The following PCM1 variants were observed in gnomAD, a reference collection of about 807,000 sequenced individuals.
PCM1 encodes the protein pericentriolar material 1 protein.
In PCM1, 157 loss-of-function variants were observed where a neutral mutation model predicts 241.9. The observed-to-expected ratio is 0.65, with a 90% CI of 0.57 to 0.74. The LOEUF is 0.74. Among genes scored for constraint, PCM1 ranks in the 30% least tolerant of loss-of-function variants. The pLI is 0.00. For synonymous variants in PCM1, 1,085 were observed against 784.9 expected, an observed-to-expected ratio of 1.38 and a Z score of -6.39; for missense variants, 3,478 against 2,360.1, an observed-to-expected ratio of 1.47 and a Z score of -9.81.
intron 30 of PCM1, among the ~76,000 whole-genome samples, chr8:18,007,740 C>T (rs1013439669): frequency 1.3e-5 from 2 of 152,140 alleles, no homozygotes; most frequent in African/African-American, 4.8e-5. Flanking sequence ...TTACCATCTT[C>T]TACATTTTTC....
Position 17,953,110 on chromosome 8 carries a change from G to A in PCM1, c.1212G>A (p.Gln404=), listed in dbSNP as rs773259564. The change falls in exon 9 of 39, where the codon CAG becomes CAA. Residue 404 remains glutamine, a synonymous_variant. Coordinates refer to ENST00000325083, the MANE Select transcript of PCM1 (RefSeq NM_006197.4). ...TTTTTAGCAAAATGAGAGTGCTACA[G>A]GAAAAGAAACAAAAAATGGACAAAT... ...VELFSKMRVL[Q]EKKQKMDKLL... is the part of the protein sequence containing the mutation. The A allele has an allele frequency of 5.0e-6, 8 of 1,598,500 alleles. No individual in the cohort carries two copies. In the South Asian group the frequency reaches 6.8e-5, roughly 14 times the overall value.
chr8:17,938,265 T>G (rs1202802664), intron 4 of PCM1, among the ~76,000 whole-genome samples: 2 of 152,120 alleles, frequency 1.3e-5, no homozygotes, highest in Admixed American at 6.6e-5. Flanking sequence ...CGTCAAAACT[T>G]TGTTTCGTGC....
intron 2 of PCM1, among the ~76,000 whole-genome samples, chr8:17,929,809 GTTTAA>G (rs2058388424): frequency 6.6e-6 from 1 of 152,188 alleles, no homozygotes; most frequent in Non-Finnish European, 1.5e-5. Context: ...CTGTGATAAA[GTTTAA>G]TTTATAGATT....
intron 2 of PCM1, among the ~76,000 whole-genome samples, chr8:17,933,213 C>G (rs370855292): frequency 2.0e-5 from 3 of 152,122 alleles, no homozygotes; most frequent in African/African-American, 7.2e-5. Flanking sequence ...AATGCGTTAG[C>G]TGTTACTAGT....
chr8:17,957,426 G>C lies in PCM1; in HGVS notation c.1804+5G>C, dbSNP rs760893350. The C allele has an allele frequency of 6.2e-7, 1 of 1,611,370 alleles. No homozygotes were observed. Among genetic ancestry groups the C allele is most frequent in the Non-Finnish European group, 8.5e-7 (1 of 1,178,050 alleles). ...TAAACATGCCTCCTTCTTTAGGTAT[G>C]ACTGACTGTATTTACATATAATTTT... On this transcript the variant is annotated splice_donor_5th_base_variant and intron_variant, in intron 12 of 38. Coordinates refer to ENST00000325083, the MANE Select transcript of PCM1 (RefSeq NM_006197.4).
Position 17,954,272 on chromosome 8 carries a change from A to G in PCM1, c.1288+1086A>G, listed in dbSNP as rs533497102. 2.6e-5 allele frequency among the ~76,000 whole-genome samples: 4 copies of G among 152,254 alleles called. No individual in the cohort carries two copies. In the South Asian group the frequency reaches 8.3e-4, roughly 32 times the overall value. On this transcript the variant is annotated intron_variant, in intron 9 of 38. Coordinates refer to ENST00000325083, the MANE Select transcript of PCM1 (RefSeq NM_006197.4). ...GAGAAACCCCGTCTCTACTAAAAGT[A>G]CAAAAGTAGCCAGGTGTGGTGGTAC...
chr8:17,929,116 C>T (rs1265972979), intron 2 of PCM1, among the ~76,000 whole-genome samples: 4 of 151,994 alleles, frequency 2.6e-5, no homozygotes, highest in Admixed American at 2.6e-4. Context: ...TGGAATTGAC[C>T]CTCACTACCC....
At chr8:17,940,847 G>T (rs958400536) in intron 6 of PCM1, among the ~76,000 whole-genome samples, 7 of 152,112 alleles carry the variant, frequency 4.6e-5, no homozygotes, top group African/African-American at 1.7e-4. Flanking sequence ...TTTTAAACAG[G>T]CGTGCCTATA....
At chr8:17,948,585 C>T (rs146145926) in intron 7 of PCM1, among the ~76,000 whole-genome samples, 1 of 151,958 alleles carries the variant, frequency 6.6e-6, no homozygotes, top group African/African-American at 2.4e-5. Context: ...TTACAGGCGT[C>T]AGCCACCGTG....
intron 6 of PCM1, among the ~76,000 whole-genome samples, chr8:17,945,556 A>G (rs1050050112): frequency 1.3e-5 from 2 of 152,170 alleles, no homozygotes; most frequent in Admixed American, 6.5e-5. Flanking sequence ...ACTCTTTGCC[A>G]TGTACTTATT....
intron 29 of PCM1, among the ~76,000 whole-genome samples, chr8:17,994,706 T>C (rs2085980600): frequency 6.6e-6 from 1 of 151,756 alleles, no homozygotes; most frequent in Non-Finnish European, 1.5e-5. Context: ...GCATTTATTA[T>C]TGCCTGTCTT....
At chr8:17,980,963 T>C (rs1455985415) in intron 24 of PCM1, among the ~76,000 whole-genome samples, 1 of 152,210 alleles carries the variant, frequency 6.6e-6, no homozygotes, top group Non-Finnish European at 1.5e-5. Flanking sequence ...TTTGGACACA[T>C]TTTAATAAAA....
chr8:17,937,320 C>A lies in PCM1; in HGVS notation c.283C>A (p.Pro95Thr). 6.2e-7 allele frequency: 1 copy of A among 1,608,118 alleles called. No homozygotes were observed. Among genetic ancestry groups the A allele is most frequent in the East Asian group, 2.2e-5 (1 of 44,780 alleles). ...TAGATACATGAGTCAGATGTCTGTC[C>A]CAGAGCAGGCAGAATTAGAGAAACT... ...HSRYMSQMSV[P>T]EQAELEKLKQ... Residue 95 changes from proline to threonine, a missense_variant, in exon 4 of 39, where the codon CCA becomes ACA. By Grantham distance (38) the Pro-to-Thr change is conservative (BLOSUM62 -1). Coordinates refer to ENST00000325083, the MANE Select transcript of PCM1 (RefSeq NM_006197.4).
chr8:18,018,876 A>ATGTGTG, intron 36 of PCM1, among the ~76,000 whole-genome samples: 1 of 31,670 alleles, frequency 3.2e-5, no homozygotes, highest in South Asian at 5.7e-4. Flanking sequence ...ATATATATAT[A>ATGTGTG]TATACACACA....
intron 3 of PCM1, 66 bp from the exon 4 acceptor site, chr8:17,937,068 A>C: frequency 7.8e-7 from 1 of 1,284,400 alleles, no homozygotes. Flanking sequence ...AAACTTTTTA[A>C]TTATACCAAT....
intron 6 of PCM1, among the ~76,000 whole-genome samples, chr8:17,940,540 A>G (rs1355911513): frequency 6.6e-6 from 1 of 152,188 alleles, no homozygotes; most frequent in Admixed American, 6.5e-5. Flanking sequence ...TTTTGGAAAT[A>G]ACCAAGTTCA....
chr8:18,026,695 TCTC>T (rs987613431), intron 38 of PCM1, among the ~76,000 whole-genome samples: 3 of 152,064 alleles, frequency 2.0e-5, no homozygotes, highest in African/African-American at 7.2e-5. Flanking sequence ...CCTACCTCTC[TCTC>T]CTCCTCCTCT....
chr8:17,972,133 C>T (rs1167440159), intron 22 of PCM1, among the ~76,000 whole-genome samples, 196 bp from the exon 23 acceptor site: 2 of 152,104 alleles, frequency 1.3e-5, no homozygotes, highest in African/African-American at 4.8e-5. Flanking sequence ...TGAGATGGGT[C>T]CAGAATTAAA....
chr8:17,933,709 C>G (rs417088), intron 2 of PCM1, among the ~76,000 whole-genome samples: 78,573 of 151,828 alleles, frequency 0.52, 21,332 homozygotes, highest in Middle Eastern at 0.64. Context: ...GATATTTTGA[C>G]GTTCTCTAGA....
Sources: gnomAD v4.1 joint callset for allele counts (sites outside exome capture counted in the v4.1 genomes callset) on GRCh38, gnomAD v4.1.1 for gene constraint, MANE v1.5 for transcripts, NCBI Gene and HGNC (gene_info 2026-07-23, HGNC 2026-07-21) for gene names.